FOXP2: variants seen among roughly 807,000 people sequenced by gnomAD.
FOXP2 encodes the protein forkhead box protein P2.
FOXP2 carries 12 observed loss-of-function variants against 115.8 expected under a neutral mutation model. The ratio of observed to expected loss-of-function variants is 0.10; its 90% CI spans 0.07 to 0.17. The LOEUF is 0.17. Among genes scored for constraint, FOXP2 ranks in the 10% least tolerant of loss-of-function variants. FOXP2 has a pLI of 1.00. For missense variants in FOXP2, 629 were observed against 843.5 expected (o/e 0.75, Z 3.15); for synonymous variants, 328 against 297.7 (o/e 1.10, Z -1.05).
chr7:114,205,760 G>C (rs1794184432), intron 1 of FOXP2, among the ~76,000 whole-genome samples: 1 of 152,140 alleles, frequency 6.6e-6, no homozygotes, highest in Non-Finnish European at 1.5e-5. Flanking sequence ...AAGCAAAGTG[G>C]CTCTTCAAGT....
chr7:114,594,331 T>A (rs879796826), intron 3 of FOXP2, among the ~76,000 whole-genome samples: 3 of 152,044 alleles, frequency 2.0e-5, no homozygotes, highest in Non-Finnish European at 4.4e-5. Context: ...TGCATTGGGC[T>A]ACCCACCTCA....
rs567051565 is a variant in FOXP2, at chr7:114,506,543, T to C, written c.169-28074T>C. ...ACTTTCATGTCACCTCTTTGAATAG[T>C]TATTTGATATTTATTTTCCCTTGAG... On this transcript the variant is annotated intron_variant, in intron 2 of 16. Transcript: ENST00000350908. Among the ~76,000 whole-genome samples, 12 of 151,752 alleles carry C rather than the reference T, an allele frequency of 7.9e-5. No homozygotes were observed. In the East Asian group the frequency reaches 2.3e-3, roughly 29 times the overall value.
intron 1 of FOXP2, among the ~76,000 whole-genome samples, chr7:114,217,183 A>G (rs1208481629): frequency 6.6e-6 from 1 of 152,204 alleles, no homozygotes; most frequent in Non-Finnish European, 1.5e-5. Flanking sequence ...AATTGATATT[A>G]TCAGTTTATT....
chr7:114,304,969 G>T (rs1796977906), intron 2 of FOXP2, among the ~76,000 whole-genome samples: 1 of 151,882 alleles, frequency 6.6e-6, no homozygotes, highest in Non-Finnish European at 1.5e-5. Flanking sequence ...CATATATTTT[G>T]TCATTAAATA....
chr7:114,652,037 C>T (rs1423889732), intron 8 of FOXP2, among the ~76,000 whole-genome samples, 166 bp from the exon 9 acceptor site: 1 of 152,116 alleles, frequency 6.6e-6, no homozygotes, highest in African/African-American at 2.4e-5. Context: ...AAATAATTTT[C>T]ACACAACACG....
chr7:114,391,653 CTT>C (rs1334865469), intron 2 of FOXP2, among the ~76,000 whole-genome samples: 2 of 152,178 alleles, frequency 1.3e-5, no homozygotes, highest in Non-Finnish European at 2.9e-5. Context: ...CAAATACTAA[CTT>C]AACATATTCC....
intron 2 of FOXP2, among the ~76,000 whole-genome samples, chr7:114,382,551 C>T (rs1326639192): frequency 6.6e-6 from 1 of 152,144 alleles, no homozygotes; most frequent in Non-Finnish European, 1.5e-5. Flanking sequence ...TGTTCCAGAA[C>T]CTCCAAAGTC....
intron 16 of FOXP2, among the ~76,000 whole-genome samples, chr7:114,681,131 T>G (rs1808063856): frequency 6.6e-6 from 1 of 152,184 alleles, no homozygotes; most frequent in Non-Finnish European, 1.5e-5. Context: ...CTACAAGTTC[T>G]TTGATAGATA....
chr7:114,248,396 G>A (rs1403385514), intron 1 of FOXP2, among the ~76,000 whole-genome samples: 1 of 152,052 alleles, frequency 6.6e-6, no homozygotes, highest in Non-Finnish European at 1.5e-5. Flanking sequence ...AAGTATCTGG[G>A]CACCTCATGG....
At chr7:114,502,428 G>A (rs1461581580) in intron 2 of FOXP2, among the ~76,000 whole-genome samples, 1 of 152,022 alleles carries the variant, frequency 6.6e-6, no homozygotes, top group African/African-American at 2.4e-5. Context: ...CTGTCAAACT[G>A]TCCAGCTTCA....
At chr7:114,384,287 C>T (rs1263500935) in intron 2 of FOXP2, among the ~76,000 whole-genome samples, 1 of 152,200 alleles carries the variant, frequency 6.6e-6, no homozygotes, top group African/African-American at 2.4e-5. Flanking sequence ...CATAACAACC[C>T]AGCTGACCCA....
At chr7:114,534,037 G>A (rs1799260263) in intron 2 of FOXP2, among the ~76,000 whole-genome samples, 2 of 151,900 alleles carry the variant, frequency 1.3e-5, no homozygotes, top group Admixed American at 1.3e-4. Context: ...TGCTAAGAAT[G>A]CAAATGAAAA....
intron 2 of FOXP2, among the ~76,000 whole-genome samples, chr7:114,351,115 A>G (rs1188620162): frequency 6.6e-6 from 1 of 152,158 alleles, no homozygotes. Context: ...CGGTTTGTTG[A>G]ATCCATAAGT....
At chr7:114,126,095 C>A (rs1791700836) in intron 1 of FOXP2, among the ~76,000 whole-genome samples, 1 of 152,024 alleles carries the variant, frequency 6.6e-6, no homozygotes, top group Non-Finnish European at 1.5e-5. Flanking sequence ...GTGGGATAAA[C>A]AGATGTGTAA....
intron 2 of FOXP2, chr7:114,463,005 T>C: frequency 4.9e-6 from 2 of 404,050 alleles, no homozygotes; most frequent in Non-Finnish European, 4.9e-6. Context: ...ATGCAGTATA[T>C]GCATTGTTGT....
intron 2 of FOXP2, among the ~76,000 whole-genome samples, chr7:114,355,126 G>A (rs1438388682): frequency 6.6e-6 from 1 of 152,130 alleles, no homozygotes; most frequent in East Asian, 1.9e-4. Flanking sequence ...GTCATCAGAT[G>A]CAGCCCTTCT....
At chr7:114,536,807 G>A (rs759575672) in intron 3 of FOXP2, among the ~76,000 whole-genome samples, 3 of 151,372 alleles carry the variant, frequency 2.0e-5, no homozygotes, top group Admixed American at 6.6e-5. Context: ...TCATAGGAAC[G>A]AGAAGTTGAG....
chr7:114,177,004 C>T (rs2129154285), intron 1 of FOXP2, among the ~76,000 whole-genome samples: 1 of 152,170 alleles, frequency 6.6e-6, no homozygotes, highest in Admixed American at 6.5e-5. Context: ...GTATGAACTT[C>T]CTCCCTGTTA....
intron 1 of FOXP2, among the ~76,000 whole-genome samples, chr7:114,201,158 AAAAT>A (rs1384314029): frequency 6.6e-6 from 1 of 152,106 alleles, no homozygotes; most frequent in African/African-American, 2.4e-5. Flanking sequence ...CTCCATCTCA[AAAAT>A]AAATAAATAA....
Sources: gnomAD v4.1 joint callset for allele counts (sites outside exome capture counted in the v4.1 genomes callset) on GRCh38, gnomAD v4.1.1 for gene constraint, MANE v1.5 for transcripts, NCBI Gene and HGNC (gene_info 2026-07-23, HGNC 2026-07-21) for gene names.